GUCY2D: variants seen among roughly 807,000 people sequenced by gnomAD.
GUCY2D encodes guanylate cyclase 2D, retinal.
In GUCY2D, 70 loss-of-function variants were observed where a neutral mutation model predicts 101.3. The observed-to-expected ratio is 0.69, with a 90% CI of 0.57 to 0.84. The LOEUF is 0.84. GUCY2D is among the 40% of genes least tolerant of loss of function. The pLI is 0.00. For synonymous variants in GUCY2D, 688 were observed against 670.7 expected (o/e 1.03, Z -0.40); for missense variants, 1,460 against 1,542.5 (o/e 0.95, Z 0.90).
chr17:8,015,690 G>C, intron 15 of GUCY2D, 53 bp from the exon 16 acceptor site: 2 of 1,389,862 alleles, frequency 1.4e-6, no homozygotes, highest in Admixed American at 3.9e-5. Context: ...CCCTACCTAG[G>C]TGCAGCCCAG....
intron 6 of GUCY2D, 89 bp downstream of exon 6, chr17:8,007,617 T>C: frequency 1.2e-6 from 1 of 803,460 alleles, no homozygotes; most frequent in South Asian, 1.4e-5. Flanking sequence ...AGCTCCCTAC[T>C]TGGGAAGCCT....
intron 4 of GUCY2D, 120 bp from the exon 5 acceptor site, chr17:8,006,940 A>G: frequency 1.1e-6 from 1 of 880,006 alleles, no homozygotes; most frequent in East Asian, 2.6e-5. Flanking sequence ...ACCTACCCCT[A>G]GAGCCTCTCT....
chr17:8,006,672 G>A lies in GUCY2D; in HGVS notation c.1336G>A (p.Asp446Asn), dbSNP rs1975749238. Residue 446 changes from aspartate (D) to asparagine (N), a missense_variant, in exon 4 of 20, where the codon GAC becomes AAC. Transcript: ENST00000254854. ...GCGTGGGGGATCAGCACCCGGACCT[G>A]ACCCCTCGTGCTGGTTCGATCCAAA... ...FPRGGSAPGP[D>N]PSCWFDPNNI... 12 of 1,611,570 alleles carry A rather than the reference G, an allele frequency of 7.4e-6. No homozygotes were observed. The highest frequency in any genetic ancestry group is 1.0e-5 in the Non-Finnish European group (12 of 1,178,968).
chr17:8,013,960 C>T lies in GUCY2D; in HGVS notation c.2344C>T (p.Leu782Phe), dbSNP rs749164572. ...GGACCAGGCACCTGTCGAGTGTATC[C>T]TCCTGATGAAGCAGTGCTGGGCAGA... ...SMDQAPVECI[L>F]LMKQCWAEQP... Residue 782 changes from leucine (L) to phenylalanine (F), a missense_variant, in exon 12 of 20, where the codon CTC (leucine) becomes TTC (phenylalanine). By Grantham distance (22) the Leu-to-Phe change is conservative. Coordinates refer to ENST00000254854, the MANE Select transcript of GUCY2D (RefSeq NM_000180.4). The surrounding 1 kb of genome is among the most constrained non-coding windows in gnomAD (Gnocchi z 5.0). The T allele has an allele frequency of 1.2e-6, 2 of 1,613,656 alleles. No homozygotes were observed. Among genetic ancestry groups the T allele is most frequent in the Non-Finnish European group, 1.7e-6 (2 of 1,179,638 alleles).
intron 6 of GUCY2D, 80 bp from the exon 7 acceptor site, chr17:8,007,851 C>G: frequency 1.1e-6 from 1 of 886,496 alleles, no homozygotes; most frequent in Non-Finnish European, 1.9e-6. Context: ...CTTTAAATCC[C>G]CAAAACTCAG....
chr17:8,010,898 C>T (rs1459094039), intron 8 of GUCY2D, among the ~76,000 whole-genome samples: 4 of 151,948 alleles, frequency 2.6e-5, no homozygotes, highest in South Asian at 2.1e-4. Context: ...AGTCAGCCAG[C>T]TAAGCCACCT....
chr17:8,004,429 A>G (rs1975702579), intron 3 of GUCY2D, among the ~76,000 whole-genome samples: 1 of 152,202 alleles, frequency 6.6e-6, no homozygotes, highest in African/African-American at 2.4e-5. Context: ...TTGGCTTCAA[A>G]GTAAACCCGT....
In GUCY2D at chr17:8,006,645, C is replaced by T. The variant is rs1413127106; in HGVS notation, c.1309C>T (p.Pro437Ser). Residue 437 changes from proline to serine, a missense_variant, in exon 4 of 20, where the codon CCG (proline) becomes TCG (serine). This residue lies in a region of GUCY2D where 1,196 missense variants were observed against 1,229.6 expected (regional missense o/e 0.97). Coordinates refer to ENST00000254854, the MANE Select transcript of GUCY2D (RefSeq NM_000180.4). Reference sequence around the variant, plus strand: ...CTCCGCCGGTACCCGGATGCACTTCCCGCGTGGGGGATCAGCACCCGGACC... The same window carrying T: ...CTCCGCCGGTACCCGGATGCACTTCTCGCGTGGGGGATCAGCACCCGGACC... Reference protein sequence around the residue: ...FLSAGTRMHFPRGGSAPGPDP... With the variant: ...FLSAGTRMHFSRGGSAPGPDP... The T allele has an allele frequency of 1.2e-6, 2 of 1,612,784 alleles. No homozygotes were observed. The highest frequency in any genetic ancestry group is 1.7e-6 in the Non-Finnish European group (2 of 1,179,528).
At chr17:8,019,204 C>A (rs1348442390) in intron 19 of GUCY2D, among the ~76,000 whole-genome samples, 1 of 152,294 alleles carries the variant, frequency 6.6e-6, no homozygotes, top group East Asian at 1.9e-4. Flanking sequence ...GAGCTCTCAG[C>A]CTCCTGTCTC....
In GUCY2D at chr17:8,006,581, T is replaced by G. The variant is rs1189799607; in HGVS notation, c.1245T>G (p.Phe415Leu). The G allele has an allele frequency of 6.2e-7, 1 of 1,613,730 alleles. No individual in the cohort carries two copies. The highest frequency in any genetic ancestry group is 1.1e-5 in the South Asian group (1 of 91,072). The change falls in exon 4 of 20, where the codon TTT becomes TTG. Residue 415 changes from phenylalanine to leucine, a missense_variant. Coordinates refer to ENST00000254854, the MANE Select transcript of GUCY2D (RefSeq NM_000180.4). ...LDTDAAGDRL[F>L]ATYMLDPARG... ...CGGACGCGGCGGGAGACCGGCTTTTTGCCACATACATGCTGGATCCTGCCC... is the reference window on the plus strand; with the variant it reads ...CGGACGCGGCGGGAGACCGGCTTTTGGCCACATACATGCTGGATCCTGCCC...
chr17:8,013,706 C>A lies in GUCY2D; in HGVS notation c.2264-174C>A, dbSNP rs1206630143. 3.1e-6 allele frequency: 2 copies of A among 640,432 alleles called. No homozygotes were observed. Among genetic ancestry groups the A allele is most frequent in the Non-Finnish European group, 5.6e-6 (2 of 359,610 alleles). 39.7% of individuals were successfully genotyped at this position (640,432 alleles called of 1,614,324 possible). ...TTCGAGGTCCTCTTGTTCCTCCTAGCAACCCCCTTCCACACTATACTCTCC... is the reference window on the plus strand; with the variant it reads ...TTCGAGGTCCTCTTGTTCCTCCTAGAAACCCCCTTCCACACTATACTCTCC... On this transcript the variant is annotated intron_variant, in intron 11 of 19. Transcript: ENST00000254854. This position sits in a 1 kb window ranked among gnomAD's most constrained non-coding sequence, Gnocchi z 5.0.
chr17:8,005,640 G>A (rs1975722630), intron 3 of GUCY2D, among the ~76,000 whole-genome samples: 2 of 152,198 alleles, frequency 1.3e-5, no homozygotes, highest in Non-Finnish European at 2.9e-5. Context: ...GCCTAGGGTG[G>A]GGACACCCAT....
chr17:8,003,889 C>T lies in GUCY2D; in HGVS notation c.759C>T (p.Gly253=). 2 of 1,613,098 alleles carry T rather than the reference C, an allele frequency of 1.2e-6. No individual in the cohort carries two copies. Among genetic ancestry groups the T allele is most frequent in the East Asian group, 2.2e-5 (1 of 44,842 alleles). The change falls in exon 3 of 20, where the codon GGC becomes GGT. Residue 253 remains glycine (G), a synonymous_variant. Coordinates refer to ENST00000254854, the MANE Select transcript of GUCY2D (RefSeq NM_000180.4). ...IMVMHSVLLG[G]EEQRYLLEAA... Reference sequence around the variant, plus strand: ...TGATGCACTCGGTGCTGCTGGGTGGCGAGGAGCAGCGCTACCTCCTGGAGG... The same window carrying T: ...TGATGCACTCGGTGCTGCTGGGTGGTGAGGAGCAGCGCTACCTCCTGGAGG...
rs1394594171 is a variant in GUCY2D at position 8,002,702 on chromosome 17, G to T, written c.-42G>T. On this transcript the variant is annotated 5_prime_UTR_variant, in exon 1 of 20. Coordinates refer to ENST00000254854, the MANE Select transcript of GUCY2D (RefSeq NM_000180.4). The surrounding 1 kb of genome is among the most constrained non-coding windows in gnomAD (Gnocchi z 4.9). ...GGGACCGGCCCTGTGACCCCTCACC[G>T]GGGGCCGTGGGCCCGAGCCCCCGGA... 0.12 allele frequency: 2 copies of T among 16 alleles called. No individual in the cohort carries two copies. Among genetic ancestry groups the T allele is most frequent in the Non-Finnish European group, 0.25 (1 of 4 alleles). The allele number at this position is 16 out of a possible 1,614,324, so 0.0% of individuals were successfully genotyped here.
chr17:8,010,090 G>A (rs1182333579), intron 8 of GUCY2D, among the ~76,000 whole-genome samples: 1 of 152,000 alleles, frequency 6.6e-6, no homozygotes, highest in Non-Finnish European at 1.5e-5. Flanking sequence ...GCAATTGTAT[G>A]TTCATCTGTC....
rs61750194 is a variant in GUCY2D at position 8,016,001 on chromosome 17, C to G, written c.3118C>G (p.Arg1040Gly). 3 of 1,609,026 alleles carry G rather than the reference C, an allele frequency of 1.9e-6. No homozygotes were observed. The South Asian group carries it at 3.3e-5, about 18-fold the overall frequency. ...GGACTCGGGCTACCAGGTGGAGCTGCGAGGCCGCACGGAGCTGAAGGTGAG... is the reference window on the plus strand; with the variant it reads ...GGACTCGGGCTACCAGGTGGAGCTGGGAGGCCGCACGGAGCTGAAGGTGAG... ...ALDSGYQVEL[R>G]GRTELKGKGA... The change falls in exon 17 of 20, where the codon CGA becomes GGA. Residue 1040 changes from arginine to glycine, a missense_variant. By Grantham distance (125) the Arg-to-Gly change is moderately radical (BLOSUM62 -2). Around this residue, in one of 3 missense-constraint regions of GUCY2D, gnomAD observed 215 missense variants for 227.9 expected, o/e 0.94. Transcript: ENST00000254854.
intron 19 of GUCY2D, among the ~76,000 whole-genome samples, chr17:8,017,764 C>T (rs928690499): frequency 6.6e-6 from 1 of 152,120 alleles, no homozygotes; most frequent in African/African-American, 2.4e-5. Context: ...ACAATCTCGA[C>T]TCATTGCAAC....
At position 8,003,557 on chromosome 17, in the gene GUCY2D, T is replaced by G; in HGVS notation, c.510T>G (p.Asp170Glu). 6.4e-7 allele frequency: 1 copy of G among 1,573,260 alleles called. No individual in the cohort carries two copies. Among genetic ancestry groups the G allele is most frequent in the Non-Finnish European group, 8.6e-7 (1 of 1,167,770 alleles). The change falls in exon 2 of 20, where the codon GAT becomes GAG. Residue 170 changes from aspartate to glutamate, a missense_variant. This residue lies in a region of GUCY2D where 1,196 missense variants were observed against 1,229.6 expected (regional missense o/e 0.97). Transcript: ENST00000254854. ...CCCCTGCCGTGACCCCCGCCGCGGA[T>G]GCCCTCTACGCCCTGCTTCGCGCAT... Reference protein sequence around the residue: ...TTAPAVTPAADALYALLRAFG... With the variant: ...TTAPAVTPAAEALYALLRAFG...
At chr17:8,004,356 C>T (rs1373338206) in intron 3 of GUCY2D, among the ~76,000 whole-genome samples, 200 bp downstream of exon 3, 1 of 152,150 alleles carries the variant, frequency 6.6e-6, no homozygotes, top group Non-Finnish European at 1.5e-5. Flanking sequence ...GGCAATTCGA[C>T]CTCTCAAGTC....
Sources: gnomAD v4.1 joint callset for allele counts (sites outside exome capture counted in the v4.1 genomes callset) on GRCh38, gnomAD v4.1.1 for gene constraint, gnomAD v4.1.1 regional missense constraint, Gnocchi (gnomAD v3.1) non-coding constraint, MANE v1.5 for transcripts, NCBI Gene and HGNC (gene_info 2026-07-23, HGNC 2026-07-21) for gene names.